SLC6A12: variants seen among roughly 807,000 people sequenced by gnomAD.
SLC6A12 encodes the protein solute carrier family 6 member 12, also known as sodium- and chloride-dependent betaine transporter.
SLC6A12 carries 50 observed loss-of-function variants against 73.3 expected under a neutral mutation model. The ratio of observed to expected loss-of-function variants is 0.68; its 90% CI spans 0.54 to 0.86. The LOEUF (loss-of-function observed/expected upper bound fraction) is 0.86, where lower values mean the gene tolerates loss of function less well. Ranked by LOEUF, SLC6A12 falls within the 40% of genes least tolerant of loss-of-function variation. The pLI is 0.00. For synonymous variants in SLC6A12, 304 were observed against 309.2 expected (o/e 0.98, Z 0.18); for missense variants, 648 against 772.8 (o/e 0.84, Z 1.92).
At position 193,378 on chromosome 12, in the gene SLC6A12, CT is replaced by C; in HGVS notation, c.1430-2del. 2 of 1,612,382 alleles carry C rather than the reference CT, an allele frequency of 1.2e-6. No homozygotes were observed. Among genetic ancestry groups the C allele is most frequent in the Non-Finnish European group, 1.7e-6 (2 of 1,178,620 alleles). The stretch of plus-strand genomic sequence containing the variant: ...ATGTTGTCATAGAAACGGTCCGCCC[CT>C]GAGCAGGCATGGCGTGGGAGAGTGT... On this transcript the variant is annotated splice_acceptor_variant, in intron 13 of 15. Coordinates refer to ENST00000684302, the MANE Select transcript of SLC6A12 (RefSeq NM_001122848.3). LOFTEE classifies it high-confidence loss of function.
intron 3 of SLC6A12, among the ~76,000 whole-genome samples, chr12:209,324 G>T (rs7303400): frequency 0.49 from 74,439 of 151,626 alleles, 18,337 homozygotes; most frequent in Middle Eastern, 0.57. Flanking sequence ...TAGACCACGC[G>T]GAACCGTTTG....
chr12:209,879 C>G lies in SLC6A12; in HGVS notation c.108G>C (p.Arg36=), dbSNP rs1940831784. 2 of 1,614,200 alleles carry G rather than the reference C, an allele frequency of 1.2e-6. No individual in the cohort carries two copies. The highest frequency in any genetic ancestry group is 1.7e-6 in the Non-Finnish European group (2 of 1,180,046). The part of the protein sequence containing the change: ...DQEDEDQVKD[R]GQWTNKMEFV... ...ACTCCATCTTGTTGGTCCATTGGCC[C>G]CGATCCTTCACCTGGTCCTCGTCTT... The change falls in exon 3 of 16, where the codon CGG becomes CGC. Residue 36 remains arginine (R), a synonymous_variant. Transcript: ENST00000684302.
chr12:200,349 C>A (rs994241956), intron 7 of SLC6A12, among the ~76,000 whole-genome samples: 10 of 152,134 alleles, frequency 6.6e-5, no homozygotes, highest in African/African-American at 1.9e-4. Flanking sequence ...ACCTCGTGAT[C>A]CGCCAGCCTC....
downstream of SLC6A12, among the ~76,000 whole-genome samples, chr12:185,089 A>G (rs1591771362): frequency 6.6e-6 from 1 of 152,236 alleles, no homozygotes; most frequent in East Asian, 1.9e-4. Flanking sequence ...TAAAACTGTC[A>G]TTATTTCCAG....
downstream of SLC6A12, among the ~76,000 whole-genome samples, chr12:186,233 C>G (rs1045465784): frequency 2.3e-4 from 35 of 152,198 alleles, no homozygotes; most frequent in African/African-American, 8.0e-4. Context: ...ACAGCACCCA[C>G]AGGCCACAGT....
chr12:212,040 G>A lies in SLC6A12; in HGVS notation c.-72C>T, dbSNP rs148485516. 4.6e-5 allele frequency: 7 copies of A among 152,334 alleles called. No homozygotes were observed. Among genetic ancestry groups the A allele is most frequent in the East Asian group, 1.9e-4 (1 of 5,190 alleles). 9.4% of individuals were successfully genotyped at this position (152,334 alleles called of 1,614,324 possible). Reference sequence around the variant, plus strand: ...AATACACTTACCAAGACAATGAGTCGTGGAGCTGGGTCTCTAACTTGCTGT... The same window carrying A: ...AATACACTTACCAAGACAATGAGTCATGGAGCTGGGTCTCTAACTTGCTGT... On this transcript the variant is annotated 5_prime_UTR_variant, in exon 2 of 16. In the 5' UTR this introduces an upstream ATG that the reference lacks. Coordinates refer to ENST00000684302, the MANE Select transcript of SLC6A12 (RefSeq NM_001122848.3).
At chr12:189,150 G>C (rs991478650), downstream of SLC6A12, among the ~76,000 whole-genome samples, 1 of 152,218 alleles carries the variant, frequency 6.6e-6, no homozygotes, top group African/African-American at 2.4e-5. Context: ...GTTTGCAGGC[G>C]GGGAGAAGGC....
In SLC6A12 at chr12:198,697, T is replaced by C; in HGVS notation, c.846+100A>G. 2.0e-6 allele frequency: 2 copies of C among 1,007,922 alleles called. No homozygotes were observed. Among genetic ancestry groups the C allele is most frequent in the South Asian group, 4.1e-5 (2 of 48,630 alleles). 62.4% of individuals were successfully genotyped at this position (1,007,922 alleles called of 1,614,324 possible). ...TAATTTATCTCCAGTGGGCATTTAT[T>C]GCTTTTAAACCAAGGAAAAAGCTAT... On this transcript the variant is annotated intron_variant, in intron 8 of 15. Coordinates refer to ENST00000684302, the MANE Select transcript of SLC6A12 (RefSeq NM_001122848.3). The surrounding 1 kb of genome is among the most constrained non-coding windows in gnomAD (Gnocchi z 4.0).
At chr12:184,391 G>A in the SLC6A12 span, among the ~76,000 whole-genome samples, 13 of 152,204 alleles carry the variant, frequency 8.5e-5, no homozygotes, top group East Asian at 1.9e-4. Context: ...TTGGGAGGCC[G>A]AGGTGGGTGG....
At chr12:187,591 A>AAAAAAAG (rs1939454978), downstream of SLC6A12, among the ~76,000 whole-genome samples, 2 of 4,570 alleles carry the variant, frequency 4.4e-4, no homozygotes, top group Admixed American at 2.1e-3. Context: ...CAAAAGAGCA[A>AAAAAAAG]AAAAAAAAAA....
chr12:198,102 C>A lies in SLC6A12; in HGVS notation c.847-99G>T. 1.1e-6 allele frequency: 1 copy of A among 883,916 alleles called. No individual in the cohort carries two copies. Among genetic ancestry groups the A allele is most frequent in the South Asian group, 1.5e-5 (1 of 68,254 alleles). The allele number at this position is 883,916 out of a possible 1,614,324, so 54.8% of individuals were successfully genotyped here. On this transcript the variant is annotated intron_variant, in intron 8 of 15. Transcript: ENST00000684302. The surrounding 1 kb of genome is among the most constrained non-coding windows in gnomAD (Gnocchi z 4.0). Reference sequence around the variant, plus strand: ...CGTCCCCTGCAGCACCAGCCTGGCCCCTCAGTGCTCCCTGAGCGCTTCCCT... The same window carrying A: ...CGTCCCCTGCAGCACCAGCCTGGCCACTCAGTGCTCCCTGAGCGCTTCCCT...
At chr12:187,630 A>AAAAAAAAAAAAC (rs1565461372), downstream of SLC6A12, among the ~76,000 whole-genome samples, 1 of 57,580 alleles carries the variant, frequency 1.7e-5, no homozygotes, top group African/African-American at 6.8e-5. Context: ...AAAAAAAAAA[A>AAAAAAAAAAAAC]ACAAACCACA....
chr12:204,340 C>T (rs373699597), intron 4 of SLC6A12: 218 of 540,028 alleles, frequency 4.0e-4, no homozygotes, highest in African/African-American at 3.7e-3. Context: ...ACTGGCCTCC[C>T]CCACCTCCCC....
In SLC6A12 at chr12:195,208, C is replaced by A. The variant is rs375383683; in HGVS notation, c.1429+17G>T. On this transcript the variant is annotated intron_variant, in intron 13 of 15. Coordinates refer to ENST00000684302, the MANE Select transcript of SLC6A12 (RefSeq NM_001122848.3). Reference sequence around the variant, plus strand: ...TTTCTCCCACCCTGCTTTCCCACCCCACTCCACCCCACTCACCATACACCC... The same window carrying A: ...TTTCTCCCACCCTGCTTTCCCACCCAACTCCACCCCACTCACCATACACCC... The A allele has an allele frequency of 6.4e-5, 97 of 1,524,172 alleles. No individual in the cohort carries two copies. The highest frequency in any genetic ancestry group is 7.6e-5 in the Non-Finnish European group (83 of 1,098,628). The allele number at this position is 1,524,172 out of a possible 1,614,324, so 94.4% of individuals were successfully genotyped here. A position where few individuals can be genotyped will look rare whatever the true frequency, so the allele number is the denominator to read the frequency against.
rs549703107 is a variant in SLC6A12, at chr12:190,908, C to T, written c.*160G>A. 1.2e-5 allele frequency: 6 copies of T among 488,600 alleles called. No individual in the cohort carries two copies. Among genetic ancestry groups the T allele is most frequent in the African/African-American group, 4.0e-5 (2 of 50,204 alleles). The allele number at this position is 488,600 out of a possible 1,614,324, so 30.3% of individuals were successfully genotyped here. A position where few individuals can be genotyped will look rare whatever the true frequency, so the allele number is the denominator to read the frequency against. ...GGGGAAGGAGCTGCTCCAGCTAGCA[C>T]AAGAGAGGAGTCTGGCCTCCAGCTG... On this transcript the variant is annotated 3_prime_UTR_variant, in exon 16 of 16. Coordinates refer to ENST00000684302, the MANE Select transcript of SLC6A12 (RefSeq NM_001122848.3).
At position 213,806 on chromosome 12, in the gene SLC6A12, C is replaced by T. The variant is rs898583380; in HGVS notation, c.-143+116G>A. Reference sequence around the variant, plus strand: ...TGAGGTTATTGCAGGTCCTGCCCCCCGCTGCAGACACGCAGTTCCACAGAG... The same window carrying T: ...TGAGGTTATTGCAGGTCCTGCCCCCTGCTGCAGACACGCAGTTCCACAGAG... On this transcript the variant is annotated intron_variant, in intron 1 of 15. Transcript: ENST00000684302. The surrounding 1 kb of genome is among the most constrained non-coding windows in gnomAD (Gnocchi z 5.3). 3.9e-5 allele frequency: 6 copies of T among 152,810 alleles called. No individual in the cohort carries two copies. Among genetic ancestry groups the T allele is most frequent in the East Asian group, 1.9e-4 (1 of 5,194 alleles). The allele number at this position is 152,810 out of a possible 1,614,324, so 9.5% of individuals were successfully genotyped here. A position where few individuals can be genotyped will look rare whatever the true frequency, so the allele number is the denominator to read the frequency against.
intron 3 of SLC6A12, 83 bp downstream of exon 3, chr12:209,690 C>T: frequency 6.8e-7 from 1 of 1,463,538 alleles, no homozygotes; most frequent in South Asian, 1.1e-5. Context: ...AACCACACTG[C>T]CCAGGAAGGA....
Position 197,900 on chromosome 12 carries a change from T to G in SLC6A12, c.950A>C (p.Lys317Thr). 1 of 1,006,136 alleles carries G rather than the reference T, an allele frequency of 9.9e-7. No homozygotes were observed. The highest frequency in any genetic ancestry group is 1.5e-6 in the Non-Finnish European group (1 of 687,252). The allele number at this position is 1,006,136 out of a possible 1,614,324, so 62.3% of individuals were successfully genotyped here. Residue 317 changes from lysine (K) to threonine (T), a missense_variant and splice_region_variant, in exon 9 of 16, where the codon AAG becomes ACG. Transcript: ENST00000684302. ...SYNKYHNNCY[K>T]DCIALCFLNS... ...CCACCCCGGCCCACGCTGTTCTCAC[T>G]TGTAGCAGTTGTTGTGATACTTGTT...
rs919464431 is a variant in SLC6A12, at chr12:210,082, T to G, written c.-57-39A>C. The G allele has an allele frequency of 3.2e-5, 48 of 1,510,444 alleles. No individual in the cohort carries two copies. The African/African-American group carries it at 6.1e-4, about 19-fold the overall frequency. The allele number at this position is 1,510,444 out of a possible 1,614,324, so 93.6% of individuals were successfully genotyped here. A position where few individuals can be genotyped will look rare whatever the true frequency, so the allele number is the denominator to read the frequency against. On this transcript the variant is annotated intron_variant, in intron 2 of 15. Coordinates refer to ENST00000684302, the MANE Select transcript of SLC6A12 (RefSeq NM_001122848.3). Reference sequence around the variant, plus strand: ...AAGAAATTAGCTGTAAAACCCGACATGCTCCCGCCAGCCCTGCTTTCCCAT... The same window carrying G: ...AAGAAATTAGCTGTAAAACCCGACAGGCTCCCGCCAGCCCTGCTTTCCCAT...
Sources: gnomAD v4.1 joint callset for allele counts (sites outside exome capture counted in the v4.1 genomes callset) on GRCh38, gnomAD v4.1.1 for gene constraint, Gnocchi (gnomAD v3.1) non-coding constraint, MANE v1.5 for transcripts, NCBI Gene and HGNC (gene_info 2026-07-23, HGNC 2026-07-21) for gene names.